The following SLC25A21 variants were observed in gnomAD, a reference collection of about 807,000 sequenced individuals.
SLC25A21 encodes mitochondrial 2-oxodicarboxylate carrier.
Under a neutral mutation model 43.8 loss-of-function variants are expected in SLC25A21, and 47 were observed. That is an observed-to-expected ratio of 1.07 (90% CI 0.85 to 1.37). SLC25A21 has a LOEUF of 1.37. Among genes scored for constraint, SLC25A21 ranks in the 40% most tolerant of loss-of-function variants. The pLI, the probability that SLC25A21 is intolerant of heterozygous loss-of-function variation, is 0.00. For missense variants in SLC25A21, 352 were observed against 350.2 expected, an observed-to-expected ratio of 1.00 and a Z score of -0.04; for synonymous variants, 131 against 121.3, an observed-to-expected ratio of 1.08 and a Z score of -0.52.
intron 7 of SLC25A21, among the ~76,000 whole-genome samples, chr14:36,705,930 T>C (rs988459739): frequency 3.3e-5 from 5 of 152,196 alleles, no homozygotes; most frequent in Non-Finnish European, 5.9e-5. Flanking sequence ...CACCTCCTCA[T>C]CAGGGTTTAT....
chr14:36,862,448 T>C (rs1301966356), intron 2 of SLC25A21, among the ~76,000 whole-genome samples: 2 of 152,246 alleles, frequency 1.3e-5, no homozygotes, highest in Admixed American at 6.5e-5. Context: ...AATGAGTTCA[T>C]GTCCTTTGCA....
chr14:36,951,577 T>C (rs1039033232), intron 1 of SLC25A21, among the ~76,000 whole-genome samples: 1 of 151,910 alleles, frequency 6.6e-6, no homozygotes, highest in Non-Finnish European at 1.5e-5. Context: ...TGTCTAAATA[T>C]TTGTGCAAGG....
chr14:36,836,897 G>C (rs2040246549), intron 2 of SLC25A21, among the ~76,000 whole-genome samples: 1 of 152,156 alleles, frequency 6.6e-6, no homozygotes, highest in Non-Finnish European at 1.5e-5. Flanking sequence ...AGGAAAAACT[G>C]AAGGGGAAGA....
chr14:36,795,739 G>A (rs1887648690), intron 3 of SLC25A21, among the ~76,000 whole-genome samples: 1 of 152,026 alleles, frequency 6.6e-6, no homozygotes, highest in South Asian at 2.1e-4. Flanking sequence ...AGGACAGGTG[G>A]GAGCTGATTA....
chr14:36,762,886 C>A (rs920355844), intron 3 of SLC25A21, among the ~76,000 whole-genome samples: 1 of 152,128 alleles, frequency 6.6e-6, no homozygotes, highest in African/African-American at 2.4e-5. Context: ...TTTAAGAATA[C>A]GTCATTATCT....
chr14:36,856,279 T>C (rs1485788772), intron 2 of SLC25A21, among the ~76,000 whole-genome samples: 1 of 152,222 alleles, frequency 6.6e-6, no homozygotes, highest in Non-Finnish European at 1.5e-5. Flanking sequence ...AACCAGGAAC[T>C]GCGGGCTTTG....
chr14:36,771,002 G>A (rs567402796), intron 3 of SLC25A21, among the ~76,000 whole-genome samples: 1 of 152,158 alleles, frequency 6.6e-6, no homozygotes, highest in Admixed American at 6.5e-5. Context: ...GGCCCTTCTT[G>A]GGATCAGATC....
Position 37,139,304 on chromosome 14 carries a change from G to A in SLC25A21, c.70+32977C>T, listed in dbSNP as rs116233185. Among the ~76,000 whole-genome samples the A allele has an allele frequency of 9.6e-3, 1,466 of 152,134 alleles. 17 individuals are homozygous for A. Among genetic ancestry groups the A allele is most frequent in the African/African-American group, 0.033 (1,370 of 41,528 alleles). ...ACAGGACAAATTCTGTCTTGATTATGATTATCATGCATTTTAAAAGGGAAC... is the reference window on the plus strand; with the variant it reads ...ACAGGACAAATTCTGTCTTGATTATAATTATCATGCATTTTAAAAGGGAAC... On this transcript the variant is annotated intron_variant, in intron 1 of 9. Coordinates refer to ENST00000331299, the MANE Select transcript of SLC25A21 (RefSeq NM_030631.4).
At chr14:36,963,744 C>T (rs1350599018) in intron 1 of SLC25A21, among the ~76,000 whole-genome samples, 1 of 152,082 alleles carries the variant, frequency 6.6e-6, no homozygotes, top group East Asian at 1.9e-4. Context: ...TCAACGAGTG[C>T]CAGGAGTACC....
chr14:37,003,047 T>A (rs2138727320), intron 1 of SLC25A21, among the ~76,000 whole-genome samples: 1 of 152,274 alleles, frequency 6.6e-6, no homozygotes, highest in African/African-American at 2.4e-5. Context: ...CTATTGAGAA[T>A]ATGTTCCGAG....
chr14:36,805,718 C>G (rs1222137872), intron 3 of SLC25A21, among the ~76,000 whole-genome samples: 1 of 152,134 alleles, frequency 6.6e-6, no homozygotes, highest in Admixed American at 6.5e-5. Flanking sequence ...AATTTTCAAA[C>G]TTGAATTGCT....
intron 2 of SLC25A21, among the ~76,000 whole-genome samples, chr14:36,847,446 T>C (rs1889582118): frequency 6.6e-6 from 1 of 152,200 alleles, no homozygotes; most frequent in Non-Finnish European, 1.5e-5. Flanking sequence ...GAATATGTCA[T>C]AGTTCCTGCC....
At chr14:37,060,610 C>T (rs1319423728) in intron 1 of SLC25A21, among the ~76,000 whole-genome samples, 2 of 88,974 alleles carry the variant, frequency 2.2e-5, no homozygotes, top group African/African-American at 6.6e-5. Context: ...AAACACCACA[C>T]ACACACACAC....
rs530141010 is a variant in SLC25A21, at chr14:37,133,855, C to T, written c.70+38426G>A. Among the ~76,000 whole-genome samples, 8 of 152,306 alleles carry T rather than the reference C, an allele frequency of 5.3e-5. No individual in the cohort carries two copies. The South Asian group carries it at 1.7e-3, about 32-fold the overall frequency. Reference sequence around the variant, plus strand: ...CTCCTACTCACCCTTCAATACCCAACATAATTATTTACTTCCTCAGTAAAA... The same window carrying T: ...CTCCTACTCACCCTTCAATACCCAATATAATTATTTACTTCCTCAGTAAAA... On this transcript the variant is annotated intron_variant, in intron 1 of 9. Coordinates refer to ENST00000331299, the MANE Select transcript of SLC25A21 (RefSeq NM_030631.4).
intron 1 of SLC25A21, among the ~76,000 whole-genome samples, chr14:37,038,161 A>G (rs1273040796): frequency 6.6e-6 from 1 of 152,154 alleles, no homozygotes; most frequent in African/African-American, 2.4e-5. Flanking sequence ...CCTGGCTGCC[A>G]TGCCCTTTGA....
intron 1 of SLC25A21, among the ~76,000 whole-genome samples, chr14:36,904,619 T>G (rs1041165011): frequency 6.6e-6 from 1 of 152,212 alleles, no homozygotes; most frequent in Admixed American, 6.5e-5. Flanking sequence ...CAGTTCCACA[T>G]GGCTGGGGAG....
At chr14:36,721,234 A>G (rs1264155930) in intron 6 of SLC25A21, among the ~76,000 whole-genome samples, 1 of 152,224 alleles carries the variant, frequency 6.6e-6, no homozygotes, top group African/African-American at 2.4e-5. Context: ...TTACTGAACC[A>G]TCACTGCATG....
At chr14:37,000,720 T>C (rs761344587) in intron 1 of SLC25A21, among the ~76,000 whole-genome samples, 24 of 152,154 alleles carry the variant, frequency 1.6e-4, no homozygotes, top group Non-Finnish European at 1.0e-4. Flanking sequence ...ATCATGTGAG[T>C]GGGTTTCCCC....
At chr14:36,819,873 G>A (rs1029084127) in intron 2 of SLC25A21, among the ~76,000 whole-genome samples, 1 of 152,016 alleles carries the variant, frequency 6.6e-6, no homozygotes, top group Admixed American at 6.6e-5. Flanking sequence ...GGCCAAAACC[G>A]CACTTACTTT....
Sources: allele counts gnomAD v4.1 joint callset (sites outside exome capture counted in the v4.1 genomes callset), GRCh38; gene constraint gnomAD v4.1.1; transcripts MANE v1.5; gene names NCBI Gene and HGNC (gene_info 2026-07-23, HGNC 2026-07-21).